CRYBG1: variants seen among roughly 807,000 people sequenced by gnomAD.
The protein encoded by CRYBG1 is crystallin beta-gamma domain containing 1, also known as beta/gamma crystallin domain-containing protein 1.
Under a neutral mutation model 189.2 loss-of-function variants are expected in CRYBG1, and 139 were observed. The observed-to-expected ratio is 0.73, with a 90% confidence interval of 0.64 to 0.85. The LOEUF is 0.85. Ranked by LOEUF, CRYBG1 falls within the 40% of genes least tolerant of loss-of-function variation. The pLI is 0.00. For synonymous variants in CRYBG1, 1,023 were observed against 1,017.1 expected, an observed-to-expected ratio of 1.01 and a Z score of -0.11; for missense variants, 2,611 against 2,675.8, an observed-to-expected ratio of 0.98 and a Z score of 0.53.
intron 11 of CRYBG1, 125 bp downstream of exon 11, chr6:106,543,722 C>T: frequency 9.3e-7 from 1 of 1,075,048 alleles, no homozygotes; most frequent in Non-Finnish European, 1.4e-6. Context: ...ACAGTTATAT[C>T]CACATTCTCC....
In CRYBG1 at chr6:106,568,806, G is replaced by A; in HGVS notation, c.*240G>A. The A allele has an allele frequency of 2.5e-6, 1 of 402,078 alleles. No individual in the cohort carries two copies. The highest frequency in any genetic ancestry group is 4.5e-6 in the Non-Finnish European group (1 of 222,686). 24.9% of individuals were successfully genotyped at this position (402,078 alleles called of 1,614,324 possible). A position where few individuals can be genotyped will look rare whatever the true frequency, so the allele number is the denominator to read the frequency against. On this transcript the variant is annotated 3_prime_UTR_variant, in exon 22 of 22. Transcript: ENST00000633556. ...TTCTTGCCTTTCATTTTTGGTAGCT[G>A]CTTAAACAGGTTGCCTAATTAGCAG...
In CRYBG1 at chr6:106,507,661, C is replaced by T. The variant is rs118112793; in HGVS notation, c.313-3769C>T. On this transcript the variant is annotated intron_variant, in intron 2 of 21. Transcript: ENST00000633556. Reference sequence around the variant, plus strand: ...ACCTAAGAAGGTCCCTCTCTGACAACTCCCAGGCCAGCTAGTTTTTTGTCT... The same window carrying T: ...ACCTAAGAAGGTCCCTCTCTGACAATTCCCAGGCCAGCTAGTTTTTTGTCT... Among the ~76,000 whole-genome samples, 4 of 152,360 alleles carry T rather than the reference C, an allele frequency of 2.6e-5. No homozygotes were observed. In the East Asian group the frequency reaches 5.8e-4, roughly 22 times the overall value.
chr6:106,388,789 A>T (rs1170102344), intron 1 of CRYBG1, among the ~76,000 whole-genome samples: 2 of 152,230 alleles, frequency 1.3e-5, no homozygotes, highest in Non-Finnish European at 2.9e-5. Context: ...ATAAGAAACA[A>T]TATTTTGGTT....
In CRYBG1 at chr6:106,544,819, G is replaced by A. The variant is rs763317514; in HGVS notation, c.5198G>A (p.Ser1733Asn). The A allele has an allele frequency of 6.2e-7, 1 of 1,608,988 alleles. No homozygotes were observed. The highest frequency in any genetic ancestry group is 8.5e-7 in the Non-Finnish European group (1 of 1,178,702). The change falls in exon 13 of 22, where the codon AGT (serine) becomes AAT (asparagine). Residue 1733 changes from serine to asparagine, a missense_variant. By Grantham distance (46) the Ser-to-Asn change is conservative (BLOSUM62 1). Around this residue, in one of 3 missense-constraint regions of CRYBG1, gnomAD observed 1,622 missense variants for 1,735.0 expected, o/e 0.93. Transcript: ENST00000633556. ...DFSNAHMIMYSEKNFGSKGSS... is the reference protein window; with the variant it reads ...DFSNAHMIMYNEKNFGSKGSS... ...TCAAATGCTCACATGATAATGTACA[G>A]TGAAAAAAACTTTGGATCCAAAGGT...
intron 13 of CRYBG1, 75 bp from the exon 14 acceptor site, chr6:106,551,777 A>T: frequency 6.8e-7 from 1 of 1,466,716 alleles, no homozygotes; most frequent in Non-Finnish European, 9.4e-7. Flanking sequence ...TCTGTATGAT[A>T]CATAGATATC....
intron 3 of CRYBG1, among the ~76,000 whole-genome samples, chr6:106,518,341 G>T (rs929680509): frequency 1.3e-5 from 2 of 152,068 alleles, no homozygotes; most frequent in South Asian, 4.2e-4. Flanking sequence ...TATCCAAAGC[G>T]GTCAATAGTA....
intron 2 of CRYBG1, among the ~76,000 whole-genome samples, chr6:106,501,510 C>T (rs1292633939): frequency 1.3e-5 from 2 of 152,006 alleles, no homozygotes; most frequent in South Asian, 2.1e-4. Context: ...CATTGTGTTA[C>T]TTACTTAGTT....
At chr6:106,367,562 G>A (rs2114293364) in intron 1 of CRYBG1, among the ~76,000 whole-genome samples, 1 of 137,182 alleles carries the variant, frequency 7.3e-6, no homozygotes, top group South Asian at 2.3e-4. Context: ...ACTCCAGCCT[G>A]GCAACAGAGC....
chr6:106,387,456 C>G (rs997046955), intron 1 of CRYBG1, among the ~76,000 whole-genome samples: 1 of 152,202 alleles, frequency 6.6e-6, no homozygotes, highest in Non-Finnish European at 1.5e-5. Context: ...ATACTCACAG[C>G]CGATTCCTAC....
In CRYBG1 at chr6:106,401,262, GACTTT is replaced by G. The variant is rs368333204; in HGVS notation, c.173+40186_173+40190del. Among the ~76,000 whole-genome samples, 62 of 152,194 alleles carry G rather than the reference GACTTT, an allele frequency of 4.1e-4. 1 individual carries two copies. The East Asian group carries it at 0.012, about 28-fold the overall frequency. ...TAAGTAAGGACTGGTGAATGCTTTG[GACTTT>G]ACTTATATTTTGTACGGATTATCTA... On this transcript the variant is annotated intron_variant, in intron 1 of 21. Transcript: ENST00000633556.
chr6:106,563,272 T>C (rs1774777732), intron 20 of CRYBG1, among the ~76,000 whole-genome samples: 1 of 152,156 alleles, frequency 6.6e-6, no homozygotes, highest in South Asian at 2.1e-4. Flanking sequence ...TTAATTCTCA[T>C]GAAGGAAAGA....
intron 1 of CRYBG1, among the ~76,000 whole-genome samples, chr6:106,398,993 C>A (rs1770666801): frequency 6.6e-6 from 1 of 152,196 alleles, no homozygotes; most frequent in African/African-American, 2.4e-5. Context: ...GCCTTAAGTG[C>A]TTTTTAACCA....
intron 2 of CRYBG1, among the ~76,000 whole-genome samples, chr6:106,494,644 T>C (rs951817437): frequency 2.6e-5 from 4 of 152,162 alleles, no homozygotes; most frequent in Non-Finnish European, 5.9e-5. Context: ...ATAAGACATA[T>C]AGCAAGTAGA....
At chr6:106,525,829 A>AG (rs1251526645) in intron 6 of CRYBG1, among the ~76,000 whole-genome samples, 2 of 152,042 alleles carry the variant, frequency 1.3e-5, no homozygotes, top group Non-Finnish European at 2.9e-5. Context: ...ATAAGGAAAA[A>AG]AAATCTATAA....
chr6:106,362,896 T>C lies in CRYBG1; in HGVS notation c.173+1815T>C, dbSNP rs79337176. Among the ~76,000 whole-genome samples the C allele has an allele frequency of 3.5e-3, 540 of 152,284 alleles. 2 individuals are homozygous for C. Among genetic ancestry groups the C allele is most frequent in the African/African-American group, 0.012 (511 of 41,560 alleles). On this transcript the variant is annotated intron_variant, in intron 1 of 21. Coordinates refer to ENST00000633556, the MANE Select transcript of CRYBG1 (RefSeq NM_001371242.2). ...TTATCATTTACTGTCTATCAAAACATAATAATACACAGCTATAGGTAATTT... is the reference window on the plus strand; with the variant it reads ...TTATCATTTACTGTCTATCAAAACACAATAATACACAGCTATAGGTAATTT...
intron 1 of CRYBG1, among the ~76,000 whole-genome samples, chr6:106,412,299 T>C (rs1316306734): frequency 2.6e-5 from 4 of 152,282 alleles, no homozygotes; most frequent in Non-Finnish European, 4.4e-5. Flanking sequence ...ACACTGCTTA[T>C]GCTGATGGCT....
intron 1 of CRYBG1, among the ~76,000 whole-genome samples, chr6:106,361,969 C>CTTTTTTTTTTTTTTTT (rs200251504): frequency 8.9e-6 from 1 of 112,352 alleles, no homozygotes. Flanking sequence ...TTCTTTCTTT[C>CTTTTTTTTTTTTTTTT]TTTTTTTTTT....
intron 1 of CRYBG1, among the ~76,000 whole-genome samples, chr6:106,445,635 G>A (rs906297919): frequency 6.6e-5 from 10 of 152,286 alleles, no homozygotes; most frequent in African/African-American, 2.2e-4. Context: ...CATTTTACAA[G>A]TTTTACCTAA....
chr6:106,517,383 T>TAC (rs1196299978), intron 3 of CRYBG1, among the ~76,000 whole-genome samples: 1 of 53,238 alleles, frequency 1.9e-5, no homozygotes, highest in Admixed American at 1.5e-4. Context: ...CACACACATA[T>TAC]ACACACATAT....
Sources: allele counts gnomAD v4.1 joint callset (sites outside exome capture counted in the v4.1 genomes callset), GRCh38; gene constraint gnomAD v4.1.1; regional missense constraint gnomAD v4.1.1; transcripts MANE v1.5; gene names NCBI Gene and HGNC (gene_info 2026-07-23, HGNC 2026-07-21).